RFWD3: variants seen among roughly 807,000 people sequenced by gnomAD.
RFWD3 encodes the protein E3 ubiquitin-protein ligase RFWD3.
In RFWD3, 65 loss-of-function variants were observed where a neutral mutation model predicts 87.7. That is an observed-to-expected ratio of 0.74 (90% CI 0.61 to 0.91). RFWD3 has a LOEUF of 0.91. Among genes scored for constraint, RFWD3 ranks in the 40% least tolerant of loss-of-function variants. The probability of loss-of-function intolerance (pLI) is 0.00; values close to 1 mark genes in which losing one functional copy is unlikely to be tolerated. For missense variants in RFWD3, 1,078 were observed against 938.5 expected, an observed-to-expected ratio of 1.15 and a Z score of -1.94; for synonymous variants, 433 against 352.8, an observed-to-expected ratio of 1.23 and a Z score of -2.55.
At chr16:74,657,481 T>TTTC (rs1961086039) in intron 2 of RFWD3, among the ~76,000 whole-genome samples, 1 of 149,838 alleles carries the variant, frequency 6.7e-6, no homozygotes, top group African/African-American at 2.5e-5. Context: ...TCTTTTTCTT[T>TTTC]TTTTTTTTTT....
At chr16:74,648,896 G>A (rs1391735327) in intron 4 of RFWD3, among the ~76,000 whole-genome samples, 1 of 151,990 alleles carries the variant, frequency 6.6e-6, no homozygotes, top group Admixed American at 6.6e-5. Context: ...AACCAACTGG[G>A]TAATATAGTG....
chr16:74,626,476 G>A lies in RFWD3; in HGVS notation c.2048C>T (p.Ser683Phe). Residue 683 changes from serine (S) to phenylalanine (F), a missense_variant, in exon 12 of 13, where the codon TCC (serine) becomes TTC (phenylalanine). By Grantham distance (155) the Ser-to-Phe change is radical (BLOSUM62 -2). Coordinates refer to ENST00000361070, the MANE Select transcript of RFWD3 (RefSeq NM_018124.4). Reference protein sequence around the residue: ...RLDDTGNPICSCQPVHTFFGG... With the variant: ...RLDDTGNPICFCQPVHTFFGG... ...AAAAAATGTATGTACAGGCTGGCAG[G>A]AGCAGATTGGATTTCCAGTGTCATC... is the stretch of plus-strand genomic sequence containing the variant. The A allele has an allele frequency of 6.2e-7, 1 of 1,614,146 alleles. No individual in the cohort carries two copies. Among genetic ancestry groups the A allele is most frequent in the South Asian group, 1.1e-5 (1 of 91,080 alleles).
At chr16:74,656,517 C>CT (rs1337356840) in intron 2 of RFWD3, among the ~76,000 whole-genome samples, 1 of 151,736 alleles carries the variant, frequency 6.6e-6, no homozygotes, top group Non-Finnish European at 1.5e-5. Flanking sequence ...GGGTCTGGCT[C>CT]TGTCACCCAG....
At position 74,660,853 on chromosome 16, in the gene RFWD3, C is replaced by CA. The variant is rs1170983618; in HGVS notation, c.518+78dup. 3 of 1,488,628 alleles carry CA rather than the reference C, an allele frequency of 2.0e-6. No homozygotes were observed. The African/African-American group carries it at 4.2e-5, about 21-fold the overall frequency. 92.2% of individuals were successfully genotyped at this position (1,488,628 alleles called of 1,614,324 possible). The stretch of plus-strand genomic sequence containing the variant: ...CCTGACTTGCCAAAAGTCACACTGT[C>CA]AGTCCTTGAATGGCAGAGCCTCAGT... On this transcript the variant is annotated intron_variant, in intron 2 of 12. Transcript: ENST00000361070.
chr16:74,665,324 C>G (rs1567591042), intron 1 of RFWD3: 1 of 152,356 alleles, frequency 6.6e-6, no homozygotes, highest in East Asian at 1.9e-4. Context: ...CGGTGGCTCA[C>G]ACCTGTAATC....
intron 4 of RFWD3, among the ~76,000 whole-genome samples, chr16:74,645,622 G>A (rs958298936): frequency 6.6e-6 from 1 of 152,076 alleles, no homozygotes; most frequent in Admixed American, 6.6e-5. Context: ...CAAAGTGCTG[G>A]GATTATAAGT....
At chr16:74,658,766 ATT>A (rs386364851) in intron 2 of RFWD3, among the ~76,000 whole-genome samples, 17,823 of 139,226 alleles carry the variant, frequency 0.13, 1,210 homozygotes, top group Admixed American at 0.24. Flanking sequence ...AGATTCTATA[ATT>A]TTTTTTTTTT....
chr16:74,662,878 C>G (rs183431280), intron 1 of RFWD3, among the ~76,000 whole-genome samples: 1 of 151,490 alleles, frequency 6.6e-6, no homozygotes, highest in East Asian at 1.9e-4. Flanking sequence ...AAACAGACAG[C>G]TTTAAGAATC....
Position 74,623,884 on chromosome 16 carries a change from C to T in RFWD3, c.*44G>A, listed in dbSNP as rs750587176. On this transcript the variant is annotated 3_prime_UTR_variant, in exon 13 of 13. Coordinates refer to ENST00000361070, the MANE Select transcript of RFWD3 (RefSeq NM_018124.4). ...CTTGGGGCTGCTAGGCGCTAGCAAACAACATCTAACCAGCAGCATGCCTTC... is the reference window on the plus strand; with the variant it reads ...CTTGGGGCTGCTAGGCGCTAGCAAATAACATCTAACCAGCAGCATGCCTTC... The T allele has an allele frequency of 1.2e-6, 2 of 1,605,262 alleles. No individual in the cohort carries two copies. The highest frequency in any genetic ancestry group is 1.7e-6 in the Non-Finnish European group (2 of 1,174,024).
chr16:74,645,745 C>CTTTTTTTTTTTT (rs71376293), intron 4 of RFWD3, among the ~76,000 whole-genome samples: 1 of 74,212 alleles, frequency 1.3e-5, no homozygotes, highest in Non-Finnish European at 2.3e-5. Context: ...CAAATATTTT[C>CTTTTTTTTTTTT]TTTTTTTTTT....
At position 74,636,300 on chromosome 16, in the gene RFWD3, T is replaced by C. The variant is rs200898564; in HGVS notation, c.1426+46A>G. On this transcript the variant is annotated intron_variant, in intron 8 of 12. Transcript: ENST00000361070. ...TCCAAAAGGCAAGGAAATAAATATA[T>C]GGAGTCTAATAAAGAACATGAAAGC... 4.8e-4 allele frequency: 720 copies of C among 1,514,974 alleles called. 1 individual carries two copies. The highest frequency in any genetic ancestry group is 6.0e-4 in the Non-Finnish European group (656 of 1,094,168). The allele number at this position is 1,514,974 out of a possible 1,614,324, so 93.8% of individuals were successfully genotyped here.
At chr16:74,660,711 C>T in intron 2 of RFWD3, 1 of 533,076 alleles carries the variant, frequency 1.9e-6, no homozygotes, top group Non-Finnish European at 3.3e-6. Context: ...ACAGAGATTG[C>T]CAACAAACTA....
chr16:74,622,176 G>A lies in RFWD3; in HGVS notation c.*1752C>T, dbSNP rs1000379358. 1 of 152,176 alleles carries A rather than the reference G, an allele frequency of 6.6e-6. No homozygotes were observed. Among genetic ancestry groups the A allele is most frequent in the African/African-American group, 2.4e-5 (1 of 41,442 alleles). The allele number at this position is 152,176 out of a possible 1,614,324, so 9.4% of individuals were successfully genotyped here. A position where few individuals can be genotyped will look rare whatever the true frequency, so the allele number is the denominator to read the frequency against. On this transcript the variant is annotated 3_prime_UTR_variant, in exon 13 of 13. Transcript: ENST00000361070. ...TGTATCCTCTTGGTGGCAATCTGCT[G>A]AAGCCAGATGAGTTCTGCTTTTTAA...
At chr16:74,632,356 C>T (rs1474648152) in intron 9 of RFWD3, among the ~76,000 whole-genome samples, 167 bp downstream of exon 9, 1 of 152,120 alleles carries the variant, frequency 6.6e-6, no homozygotes, top group Non-Finnish European at 1.5e-5. Flanking sequence ...CCCACCAGTG[C>T]ACTCCAGCCT....
At position 74,622,363 on chromosome 16, in the gene RFWD3, G is replaced by C. The variant is rs769319764; in HGVS notation, c.*1565C>G. ...ATAGGGGCCGGGTGCAGTGGCTCACGCCTATAATTTTGGCACTTTAGGAGG... is the reference window on the plus strand; with the variant it reads ...ATAGGGGCCGGGTGCAGTGGCTCACCCCTATAATTTTGGCACTTTAGGAGG... On this transcript the variant is annotated 3_prime_UTR_variant, in exon 13 of 13. Coordinates refer to ENST00000361070, the MANE Select transcript of RFWD3 (RefSeq NM_018124.4). 6.6e-6 allele frequency: 1 copy of C among 152,174 alleles called. No homozygotes were observed. The highest frequency in any genetic ancestry group is 1.5e-5 in the Non-Finnish European group (1 of 68,054). The allele number at this position is 152,174 out of a possible 1,614,324, so 9.4% of individuals were successfully genotyped here. A position where few individuals can be genotyped will look rare whatever the true frequency, so the allele number is the denominator to read the frequency against.
At chr16:74,634,463 T>G (rs1236399363) in intron 8 of RFWD3, among the ~76,000 whole-genome samples, 2 of 152,046 alleles carry the variant, frequency 1.3e-5, no homozygotes, top group African/African-American at 4.8e-5. Context: ...TGGCTCACAA[T>G]AGCCTCGATC....
chr16:74,657,353 G>A (rs1465528148), intron 2 of RFWD3, among the ~76,000 whole-genome samples: 1 of 152,016 alleles, frequency 6.6e-6, no homozygotes, highest in Non-Finnish European at 1.5e-5. Flanking sequence ...CATTTGGTCA[G>A]TTTCCTGAAT....
At chr16:74,624,098 T>C (rs1279682093) in intron 12 of RFWD3, 27 bp from the exon 13 acceptor site, 1 of 1,609,886 alleles carries the variant, frequency 6.2e-7, no homozygotes, top group Admixed American at 1.7e-5. Flanking sequence ...GAGGGAAGGG[T>C]CAGGAGTCAG....
intron 2 of RFWD3, among the ~76,000 whole-genome samples, chr16:74,658,310 C>T (rs1351041995): frequency 6.6e-6 from 1 of 152,150 alleles, no homozygotes; most frequent in Non-Finnish European, 1.5e-5. Context: ...AGTGATGACC[C>T]CCACTGCCAG....
Sources: gnomAD v4.1 joint callset for allele counts (sites outside exome capture counted in the v4.1 genomes callset) on GRCh38, gnomAD v4.1.1 for gene constraint, MANE v1.5 for transcripts, NCBI Gene and HGNC (gene_info 2026-07-23, HGNC 2026-07-21) for gene names.